Variants in FASTKD1 observed in about 807,000 individuals in gnomAD.
FASTKD1 encodes the protein FAST kinase domains 1.
Under a neutral mutation model 90.9 loss-of-function variants are expected in FASTKD1, and 94 were observed. The observed-to-expected ratio is 1.03, with a 90% CI of 0.88 to 1.23. The LOEUF (loss-of-function observed/expected upper bound fraction) is 1.23. Ranked by LOEUF, FASTKD1 falls within the 50% of genes most tolerant of loss-of-function variation. The pLI, the probability that FASTKD1 is intolerant of heterozygous loss-of-function variation, is 0.00. For synonymous variants in FASTKD1, 319 were observed against 345.8 expected (o/e 0.92, Z 0.86); for missense variants, 945 against 993.5 (o/e 0.95, Z 0.66).
intron 12 of FASTKD1, among the ~76,000 whole-genome samples, chr2:169,534,881 C>T (rs1345096058): frequency 1.3e-5 from 2 of 150,792 alleles, no homozygotes; most frequent in East Asian, 1.9e-4. Context: ...GTTAGGAAAA[C>T]AGACACCAAA....
intron 3 of FASTKD1, among the ~76,000 whole-genome samples, chr2:169,563,720 A>G (rs978691043): frequency 2.6e-5 from 4 of 152,184 alleles, no homozygotes; most frequent in Non-Finnish European, 5.9e-5. Context: ...AAAAGAGAGG[A>G]AAAAGGAACT....
chr2:169,568,629 A>C (rs984882195), intron 3 of FASTKD1, among the ~76,000 whole-genome samples: 1 of 4,452 alleles, frequency 2.2e-4, no homozygotes, highest in African/African-American at 7.9e-4. Flanking sequence ...CCTGTCCATT[A>C]AAAAAAAAAA....
In FASTKD1 at chr2:169,557,318, G is replaced by T. The variant is rs190390211; in HGVS notation, c.972-21C>A. Reference sequence around the variant, plus strand: ...TAAGTCTAGAAGCAAAAAAAAAAAAGTTTTTGGTTGAAAGACTGAAAATTA... The same window carrying T: ...TAAGTCTAGAAGCAAAAAAAAAAAATTTTTTGGTTGAAAGACTGAAAATTA... On this transcript the variant is annotated intron_variant, in intron 5 of 14. Coordinates refer to ENST00000453153, the MANE Select transcript of FASTKD1 (RefSeq NM_024622.6). 5.1e-3 allele frequency: 6,953 copies of T among 1,362,796 alleles called. 341 individuals are homozygous for T. In the African/African-American group the frequency reaches 0.093, roughly 18 times the overall value. The allele number at this position is 1,362,796 out of a possible 1,614,324, so 84.4% of individuals were successfully genotyped here.
Position 169,540,050 on chromosome 2 carries a change from CT to C in FASTKD1, c.1945del (p.Ile649PhefsTer17), listed in dbSNP as rs778446937. Reference sequence around the variant, plus strand: ...AAATAAATTAAAAGATAGATACATACTTTCAAGTTGAGAATCCAATCTAGCT... The same window carrying C: ...AAATAAATTAAAAGATAGATACATACTTCAAGTTGAGAATCCAATCTAGCT... ...FLARLDSQLEILSPSRSARVQ... is the reference protein window; with the variant it reads ...FLARLDSQLEXLSPSRSARVQ... On this transcript the variant is annotated frameshift_variant and splice_region_variant, in exon 10 of 15. Transcript: ENST00000453153. LOFTEE classifies it high-confidence loss of function. 1.3e-6 allele frequency: 2 copies of C among 1,552,776 alleles called. No individual in the cohort carries two copies. Among genetic ancestry groups the C allele is most frequent in the East Asian group, 4.5e-5 (2 of 44,330 alleles).
chr2:169,561,075 G>A (rs930508190), intron 4 of FASTKD1, among the ~76,000 whole-genome samples: 1 of 151,178 alleles, frequency 6.6e-6, no homozygotes, highest in Admixed American at 6.6e-5. Flanking sequence ...GAGGTGGGCA[G>A]ATCACTTGTG....
At chr2:169,546,965 C>A (rs1685235587) in intron 7 of FASTKD1, among the ~76,000 whole-genome samples, 1 of 152,126 alleles carries the variant, frequency 6.6e-6, no homozygotes, top group Non-Finnish European at 1.5e-5. Flanking sequence ...TACCTGGGGA[C>A]AGTGTCAGAT....
intron 4 of FASTKD1, among the ~76,000 whole-genome samples, chr2:169,561,753 T>A (rs1016579133): frequency 6.2e-5 from 8 of 128,458 alleles, no homozygotes; most frequent in Admixed American, 1.6e-4. Context: ...TCATTATAAA[T>A]TATTTATTAA....
At chr2:169,541,108 G>T (rs1684937310) in intron 9 of FASTKD1, among the ~76,000 whole-genome samples, 2 of 152,166 alleles carry the variant, frequency 1.3e-5, no homozygotes, top group African/African-American at 4.8e-5. Flanking sequence ...CATAAATGAA[G>T]TTAATAGTGA....
chr2:169,544,906 T>G (rs1685120377), intron 8 of FASTKD1, 71 bp from the exon 9 acceptor site: 2 of 791,924 alleles, frequency 2.5e-6, no homozygotes, highest in Non-Finnish European at 4.1e-6. Context: ...ACCTAATTAT[T>G]TTTTAGGAGA....
intron 4 of FASTKD1, among the ~76,000 whole-genome samples, chr2:169,562,011 T>A (rs1683693383): frequency 8.6e-6 from 1 of 116,460 alleles, no homozygotes; most frequent in African/African-American, 3.0e-5. Flanking sequence ...ATTCATTAAT[T>A]TATTGTAAAT....
At chr2:169,549,841 C>T (rs1172490747) in intron 7 of FASTKD1, among the ~76,000 whole-genome samples, 1 of 152,184 alleles carries the variant, frequency 6.6e-6, no homozygotes, top group Non-Finnish European at 1.5e-5. Flanking sequence ...TGTACTGATA[C>T]AGGCATTCTC....
intron 7 of FASTKD1, among the ~76,000 whole-genome samples, chr2:169,548,324 AAAC>A (rs1443466847): frequency 6.6e-6 from 1 of 152,060 alleles, no homozygotes; most frequent in East Asian, 1.9e-4. Flanking sequence ...ATGAATAAAC[AAAC>A]AACAACAAAA....
chr2:169,563,396 C>T, intron 3 of FASTKD1, 46 bp from the exon 4 acceptor site: 1 of 1,347,692 alleles, frequency 7.4e-7, no homozygotes. Flanking sequence ...TTTACTTTCA[C>T]TTAAAACACA....
intron 4 of FASTKD1, among the ~76,000 whole-genome samples, chr2:169,561,299 G>A (rs1303140917): frequency 6.6e-6 from 1 of 151,144 alleles, no homozygotes; most frequent in African/African-American, 2.4e-5. Context: ...AAAAAAAAAG[G>A]CAGGGAAGTA....
chr2:169,571,543 GAC>G, intron 2 of FASTKD1, 108 bp downstream of exon 2: 1 of 785,956 alleles, frequency 1.3e-6, no homozygotes, highest in Non-Finnish European at 1.9e-6. Flanking sequence ...CAGCCTGGGC[GAC>G]AGAGACTCCT....
chr2:169,564,858 T>A (rs1025520371), intron 3 of FASTKD1, among the ~76,000 whole-genome samples: 3 of 151,980 alleles, frequency 2.0e-5, no homozygotes, highest in Non-Finnish European at 4.4e-5. Context: ...TCACTTAACA[T>A]AATAATCTCC....
chr2:169,560,340 CCACGTATT>C (rs752685286), intron 5 of FASTKD1, 39 bp downstream of exon 5: 45 of 1,463,734 alleles, frequency 3.1e-5, no homozygotes, highest in Non-Finnish European at 3.9e-5. Flanking sequence ...CTTGAAGGCT[CCACGTATT>C]CACAACAAAA....
At chr2:169,530,916 A>AT (rs1553534127) in intron 13 of FASTKD1, 4 of 697,472 alleles carry the variant, frequency 5.7e-6, no homozygotes, top group Admixed American at 1.9e-5. Context: ...GCTTTCATCC[A>AT]TTTTTTTGGT....
At position 169,553,788 on chromosome 2, in the gene FASTKD1, G is replaced by A. The variant is rs560019852; in HGVS notation, c.1214+1336C>T. ...ATACAAAAAATTAGCCGGGTGTGGC[G>A]GCGGGCACCTGTAGTCCCAGCTGCT... On this transcript the variant is annotated intron_variant, in intron 7 of 14. Coordinates refer to ENST00000453153, the MANE Select transcript of FASTKD1 (RefSeq NM_024622.6). 6.1e-4 allele frequency among the ~76,000 whole-genome samples: 93 copies of A among 152,152 alleles called. 1 individual carries two copies. The Middle Eastern group carries it at 0.01, about 17-fold the overall frequency.
Sources: gnomAD v4.1 joint callset for allele counts (sites outside exome capture counted in the v4.1 genomes callset) on GRCh38, gnomAD v4.1.1 for gene constraint, MANE v1.5 for transcripts, NCBI Gene and HGNC (gene_info 2026-07-23, HGNC 2026-07-21) for gene names.